Variants in SLC35F4 observed in about 807,000 individuals in gnomAD.
The protein encoded by SLC35F4 is chromosome 14 open reading frame 36.
In SLC35F4, 24 loss-of-function variants were observed where a neutral mutation model predicts 44.2. The observed-to-expected ratio is 0.54, with a 90% CI of 0.39 to 0.76. SLC35F4 has a LOEUF of 0.76. Ranked by LOEUF, SLC35F4 falls within the 30% of genes least tolerant of loss-of-function variation. SLC35F4 has a pLI of 0.00. For synonymous variants in SLC35F4, 238 were observed against 223.6 expected, an observed-to-expected ratio of 1.06 and a Z score of -0.57; for missense variants, 562 against 586.1, an observed-to-expected ratio of 0.96 and a Z score of 0.42.
At chr14:57,788,320 G>C (rs1474902465) in intron 1 of SLC35F4, among the ~76,000 whole-genome samples, 1 of 151,832 alleles carries the variant, frequency 6.6e-6, no homozygotes, top group East Asian at 1.9e-4. Context: ...GTAATAGTGG[G>C]GGACATCAAT....
chr14:57,774,367 G>T (rs1057051918), intron 1 of SLC35F4, among the ~76,000 whole-genome samples: 7 of 152,152 alleles, frequency 4.6e-5, no homozygotes, highest in Admixed American at 6.5e-5. Context: ...GACCACCATG[G>T]ACACTTGTGT....
chr14:57,685,500 C>T (rs2075040573), intron 1 of SLC35F4, among the ~76,000 whole-genome samples: 1 of 152,096 alleles, frequency 6.6e-6, no homozygotes, highest in African/African-American at 2.4e-5. Flanking sequence ...GTGATATTCC[C>T]CAAGAGGCAC....
chr14:57,668,740 A>G (rs1255441082), intron 1 of SLC35F4, among the ~76,000 whole-genome samples: 2 of 151,840 alleles, frequency 1.3e-5, no homozygotes, highest in African/African-American at 4.8e-5. Context: ...TAGCCTTGTA[A>G]TATAGTTTGA....
chr14:57,818,675 A>G lies in SLC35F4; in HGVS notation c.103+47048T>C, dbSNP rs142008606. On this transcript the variant is annotated intron_variant, in intron 1 of 7. Coordinates refer to ENST00000556826, the MANE Select transcript of SLC35F4 (RefSeq NM_001306087.2). ...AAAATAAACAAAGGCTCAGACCTCT[A>G]AGGGATGAAGATCTGGGTCACTGAC... Among the ~76,000 whole-genome samples the G allele has an allele frequency of 5.9e-4, 90 of 152,336 alleles. 3 individuals are homozygous for G. In the East Asian group the frequency reaches 0.015, roughly 26 times the overall value.
intron 1 of SLC35F4, among the ~76,000 whole-genome samples, chr14:57,946,469 C>CTTT (rs71104596): frequency 2.7e-3 from 212 of 78,166 alleles, no homozygotes; most frequent in Non-Finnish European, 3.4e-3. Context: ...GTTTTCTTTT[C>CTTT]TTTTTTTTTT....
chr14:57,858,631 T>C (rs1327875959), intron 1 of SLC35F4, among the ~76,000 whole-genome samples: 1 of 151,746 alleles, frequency 6.6e-6, no homozygotes, highest in East Asian at 1.9e-4. Context: ...TATACATATG[T>C]AACAAACCTG....
chr14:57,754,141 C>T (rs2076945860), intron 1 of SLC35F4, among the ~76,000 whole-genome samples: 2 of 130,194 alleles, frequency 1.5e-5, no homozygotes, highest in South Asian at 5.1e-4. Context: ...CTCAGTCTGT[C>T]ACCCAGGCTG....
intron 1 of SLC35F4, among the ~76,000 whole-genome samples, chr14:57,897,816 G>C (rs1314803279): frequency 6.6e-6 from 1 of 152,030 alleles, no homozygotes; most frequent in Non-Finnish European, 1.5e-5. Context: ...CCCCACAAAT[G>C]GTATCATCTA....
At chr14:57,639,049 T>C (rs2073123031) in intron 1 of SLC35F4, among the ~76,000 whole-genome samples, 1 of 152,052 alleles carries the variant, frequency 6.6e-6, no homozygotes, top group Non-Finnish European at 1.5e-5. Context: ...GACTTAGGAG[T>C]CTGTTACCTG....
intron 1 of SLC35F4, among the ~76,000 whole-genome samples, chr14:57,956,444 T>A (rs1347871995): frequency 6.6e-6 from 1 of 152,014 alleles, no homozygotes; most frequent in Non-Finnish European, 1.5e-5. Context: ...ACAAATGGGA[T>A]CTAATTAAAC....
intron 1 of SLC35F4, among the ~76,000 whole-genome samples, chr14:57,617,487 C>T (rs1440542474): frequency 1.3e-5 from 2 of 152,058 alleles, no homozygotes; most frequent in Non-Finnish European, 2.9e-5. Context: ...ATCAGAGATA[C>T]CTTTATATAC....
chr14:57,957,762 C>T (rs1162940298), intron 1 of SLC35F4, among the ~76,000 whole-genome samples: 1 of 152,154 alleles, frequency 6.6e-6, no homozygotes, highest in East Asian at 1.9e-4. Flanking sequence ...TTCTGGCACC[C>T]ATTAGCAGTG....
At position 57,662,197 on chromosome 14, in the gene SLC35F4, A is replaced by G. The variant is rs369494049; in HGVS notation, c.104-68073T>C. On this transcript the variant is annotated intron_variant, in intron 1 of 7. Transcript: ENST00000556826. ...TTGGATTCAACCTCTTTTCCCTCTC[A>G]TTCCTTTTTTAGAGAAGTTATACAT... Among the ~76,000 whole-genome samples the G allele has an allele frequency of 6.6e-5, 10 of 152,226 alleles. No homozygotes were observed. In the South Asian group the frequency reaches 1.5e-3, roughly 22 times the overall value.
At chr14:57,942,802 G>A (rs1018855087) in intron 1 of SLC35F4, among the ~76,000 whole-genome samples, 3 of 152,160 alleles carry the variant, frequency 2.0e-5, no homozygotes, top group Admixed American at 2.0e-4. Flanking sequence ...TGAAAATGTA[G>A]GTAGGGTTTT....
intron 1 of SLC35F4, among the ~76,000 whole-genome samples, chr14:57,825,675 G>C (rs1883659810): frequency 6.6e-6 from 1 of 152,050 alleles, no homozygotes; most frequent in Non-Finnish European, 1.5e-5. Context: ...AAAGTCTCAG[G>C]ATACAAAATC....
chr14:57,926,727 G>T (rs76832591), intron 1 of SLC35F4, among the ~76,000 whole-genome samples: 5 of 11,238 alleles, frequency 4.4e-4, no homozygotes, highest in Admixed American at 1.1e-3. Flanking sequence ...AGTAGGGTTG[G>T]GGGGGGGGGG....
intron 1 of SLC35F4, among the ~76,000 whole-genome samples, chr14:57,950,358 TC>T (rs1188658631): frequency 1.3e-5 from 2 of 152,164 alleles, no homozygotes; most frequent in Non-Finnish European, 2.9e-5. Context: ...TTTACGTGTG[TC>T]TTTCATTTCC....
intron 1 of SLC35F4, among the ~76,000 whole-genome samples, chr14:57,873,995 T>C (rs1225520828): frequency 6.6e-6 from 1 of 152,138 alleles, no homozygotes; most frequent in Non-Finnish European, 1.5e-5. Context: ...TTTTGTAAAA[T>C]CTCAAAGTAG....
intron 1 of SLC35F4, among the ~76,000 whole-genome samples, chr14:57,810,526 T>G (rs1881843693): frequency 6.6e-6 from 1 of 152,214 alleles, no homozygotes; most frequent in Non-Finnish European, 1.5e-5. Flanking sequence ...ATCCTCAATT[T>G]TAGCCTCTCT....
Sources: allele counts gnomAD v4.1 joint callset (sites outside exome capture counted in the v4.1 genomes callset), GRCh38; gene constraint gnomAD v4.1.1; transcripts MANE v1.5; gene names NCBI Gene and HGNC (gene_info 2026-07-23, HGNC 2026-07-21).